Variants in GLI3 observed in about 807,000 individuals in gnomAD.
The protein encoded by GLI3 is GLI family zinc finger 3, also known as transcription activator GLI3.
In GLI3, 20 loss-of-function variants were observed where a neutral mutation model predicts 100.8. That is an observed-to-expected ratio of 0.20 (90% CI 0.14 to 0.29). The LOEUF (loss-of-function observed/expected upper bound fraction) is 0.29, where lower values mean the gene tolerates loss of function less well. GLI3 is among the 10% of genes least tolerant of loss of function. The pLI is 1.00. For synonymous variants in GLI3, 938 were observed against 860.5 expected (o/e 1.09, Z -1.58); for missense variants, 2,040 against 2,128.5 (o/e 0.96, Z 0.82).
At chr7:42,010,497 G>A (rs1403421279) in intron 10 of GLI3, among the ~76,000 whole-genome samples, 4 of 152,178 alleles carry the variant, frequency 2.6e-5, no homozygotes, top group African/African-American at 9.7e-5. Flanking sequence ...GAAATATTCA[G>A]TTATAGATGA....
At chr7:42,065,448 A>G (rs1490091251) in intron 4 of GLI3, among the ~76,000 whole-genome samples, 1 of 152,036 alleles carries the variant, frequency 6.6e-6, no homozygotes, top group Non-Finnish European at 1.5e-5. Context: ...TTTTACCACT[A>G]TCTACATTGA....
intron 2 of GLI3, among the ~76,000 whole-genome samples, chr7:42,205,040 T>C (rs1445503067): frequency 6.6e-6 from 1 of 152,176 alleles, no homozygotes; most frequent in African/African-American, 2.4e-5. Context: ...AGGTTGTGGG[T>C]GTGCTTTCAA....
chr7:42,014,972 G>A (rs1156966975), intron 10 of GLI3, among the ~76,000 whole-genome samples: 1 of 152,178 alleles, frequency 6.6e-6, no homozygotes, highest in African/African-American at 2.4e-5. Context: ...CCATTCTTCA[G>A]TTGAGTGAGT....
chr7:42,222,639 C>T (rs1379014262), intron 2 of GLI3, among the ~76,000 whole-genome samples: 1 of 152,174 alleles, frequency 6.6e-6, no homozygotes, highest in Non-Finnish European at 1.5e-5. Context: ...ACCTGCATCT[C>T]AGATACTAAC....
chr7:42,075,012 A>G (rs979267772), intron 4 of GLI3, among the ~76,000 whole-genome samples: 7 of 152,122 alleles, frequency 4.6e-5, no homozygotes, highest in Non-Finnish European at 1.5e-5. Flanking sequence ...TCCAGATGTG[A>G]CGCATCTTGT....
At chr7:42,158,416 C>T (rs902914192) in intron 2 of GLI3, among the ~76,000 whole-genome samples, 2 of 152,174 alleles carry the variant, frequency 1.3e-5, no homozygotes, top group African/African-American at 4.8e-5. Context: ...CTATTAACCC[C>T]TAAAATGTGG....
chr7:42,257,354 CTTT>C (rs61449410), intron 1 of GLI3, among the ~76,000 whole-genome samples: 3,405 of 130,510 alleles, frequency 0.026, 105 homozygotes, highest in African/African-American at 0.091. Flanking sequence ...ATCATTCAGT[CTTT>C]TTTTTTTTTT....
intron 2 of GLI3, among the ~76,000 whole-genome samples, chr7:42,191,659 T>A (rs114919782): frequency 0.026 from 3,012 of 116,748 alleles, 92 homozygotes; most frequent in African/African-American, 0.088. Context: ...TCAAAAAATA[T>A]ATATATATAT....
intron 7 of GLI3, among the ~76,000 whole-genome samples, chr7:42,034,369 A>T (rs910343045): frequency 6.6e-6 from 1 of 152,118 alleles, no homozygotes; most frequent in South Asian, 2.1e-4. Context: ...CTCTCTTAAC[A>T]TCAGTTTCCT....
chr7:41,990,981 G>T, intron 10 of GLI3, among the ~76,000 whole-genome samples: 1 of 151,956 alleles, frequency 6.6e-6, no homozygotes, highest in East Asian at 1.9e-4. Flanking sequence ...AGGCAGGCAA[G>T]TAGGCAAAAT....
chr7:42,127,747 G>A (rs955683431), intron 3 of GLI3, among the ~76,000 whole-genome samples: 1 of 152,146 alleles, frequency 6.6e-6, no homozygotes, highest in Non-Finnish European at 1.5e-5. Flanking sequence ...AGTGGCTGTC[G>A]CCTGTAATCC....
intron 3 of GLI3, among the ~76,000 whole-genome samples, chr7:42,100,760 G>A (rs1785444241): frequency 6.6e-6 from 1 of 151,966 alleles, no homozygotes; most frequent in African/African-American, 2.4e-5. Flanking sequence ...AAGAGGGGGT[G>A]GGGGTTTGTA....
Position 41,964,081 on chromosome 7 carries a change from T to A in GLI3, c.*249A>T, listed in dbSNP as rs6972450. 3,202 of 279,424 alleles carry A rather than the reference T, an allele frequency of 0.011. 84 individuals carry two copies. Among genetic ancestry groups the A allele is most frequent in the African/African-American group, 0.048 (2,143 of 44,708 alleles). 17.3% of individuals were successfully genotyped at this position (279,424 alleles called of 1,614,324 possible). A position where few individuals can be genotyped will look rare whatever the true frequency, so the allele number is the denominator to read the frequency against. ...GGCTTACAGTTTTTTTTTTTTTTTT[T>A]AAAAAGAGGGTGGTTTGAGTGTAAC... On this transcript the variant is annotated 3_prime_UTR_variant, in exon 15 of 15. Transcript: ENST00000395925.
chr7:42,113,254 T>G, intron 3 of GLI3: 1 of 502,010 alleles, frequency 2.0e-6, no homozygotes, highest in Non-Finnish European at 3.8e-6. Flanking sequence ...AATACAGAAG[T>G]ACGGAGCAGT....
At chr7:42,198,550 TTC>T (rs1410909958) in intron 2 of GLI3, among the ~76,000 whole-genome samples, 2 of 152,018 alleles carry the variant, frequency 1.3e-5, no homozygotes, top group African/African-American at 4.8e-5. Context: ...CCAGGACAAG[TTC>T]TGTTTATTTT....
At chr7:42,010,511 T>C (rs1403539829) in intron 10 of GLI3, among the ~76,000 whole-genome samples, 1 of 152,340 alleles carries the variant, frequency 6.6e-6, no homozygotes, top group East Asian at 1.9e-4. Flanking sequence ...TAGATGAGCA[T>C]GTGATTTTCA....
chr7:42,174,555 C>T (rs148652128), intron 2 of GLI3, among the ~76,000 whole-genome samples: 1 of 152,282 alleles, frequency 6.6e-6, no homozygotes, highest in African/African-American at 2.4e-5. Flanking sequence ...TTGAGCAAAT[C>T]CTCATAAATC....
At chr7:42,053,475 T>A (rs541858912) in intron 4 of GLI3, among the ~76,000 whole-genome samples, 117 of 152,278 alleles carry the variant, frequency 7.7e-4, no homozygotes, top group Non-Finnish European at 1.3e-3. Flanking sequence ...GCCACAAAAT[T>A]TCCCATAGAA....
At chr7:42,055,105 GTATATATACACATATA>G (rs1784431786) in intron 4 of GLI3, among the ~76,000 whole-genome samples, 4 of 138,622 alleles carry the variant, frequency 2.9e-5, no homozygotes, top group African/African-American at 1.1e-4. Context: ...ACACATATAT[GTATATATACACATATA>G]TATACACATA....
Sources: allele counts gnomAD v4.1 joint callset (sites outside exome capture counted in the v4.1 genomes callset), GRCh38; gene constraint gnomAD v4.1.1; transcripts MANE v1.5; gene names NCBI Gene and HGNC (gene_info 2026-07-23, HGNC 2026-07-21).